The following DYNC1LI1 variants were observed in gnomAD, a reference collection of about 807,000 sequenced individuals.
DYNC1LI1 encodes cytoplasmic dynein 1 light intermediate chain 1.
A neutral mutation model predicts 63.8 loss-of-function variants in DYNC1LI1; 19 were observed. The observed-to-expected ratio is 0.30, with a 90% CI of 0.21 to 0.44. DYNC1LI1 has a LOEUF of 0.44. DYNC1LI1 is among the 20% of genes least tolerant of loss of function. DYNC1LI1 has a pLI of 1.00. For synonymous variants in DYNC1LI1, 225 were observed against 232.3 expected (o/e 0.97, Z 0.28); for missense variants, 565 against 630.2 (o/e 0.90, Z 1.11).
At chr3:32,551,951 CCA>C (rs1459980304) in intron 2 of DYNC1LI1, among the ~76,000 whole-genome samples, 2 of 152,156 alleles carry the variant, frequency 1.3e-5, no homozygotes, top group Non-Finnish European at 2.9e-5. Flanking sequence ...ATCTGGTGAC[CCA>C]CAGACTTCCT....
intron 5 of DYNC1LI1, 74 bp from the exon 6 acceptor site, chr3:32,537,178 A>G (rs1697786109): frequency 1.3e-6 from 1 of 799,910 alleles, no homozygotes; most frequent in African/African-American, 1.8e-5. Context: ...AAACAGTTCA[A>G]TTCTGGATAG....
At chr3:32,550,560 T>TA (rs1182504566) in intron 2 of DYNC1LI1, among the ~76,000 whole-genome samples, 1 of 152,240 alleles carries the variant, frequency 6.6e-6, no homozygotes, top group Non-Finnish European at 1.5e-5. Context: ...CTCCTCCACT[T>TA]ATCATAAGAT....
chr3:32,557,418 A>AGGCT (rs1463146038), intron 2 of DYNC1LI1, among the ~76,000 whole-genome samples: 3 of 152,078 alleles, frequency 2.0e-5, no homozygotes, highest in Non-Finnish European at 4.4e-5. Context: ...GCTACTCGAG[A>AGGCT]GGCTGAGGCA....
chr3:32,529,479 T>C, intron 11 of DYNC1LI1, 61 bp downstream of exon 11: 1 of 1,493,882 alleles, frequency 6.7e-7, no homozygotes, highest in Non-Finnish European at 9.1e-7. Context: ...GGTGGAATTT[T>C]AGATAGATTT....
chr3:32,568,117 T>C (rs1698294252), intron 2 of DYNC1LI1, among the ~76,000 whole-genome samples: 1 of 152,174 alleles, frequency 6.6e-6, no homozygotes, highest in African/African-American at 2.4e-5. Context: ...ATTACAGGCG[T>C]GGGCCACTGT....
At chr3:32,558,023 A>C (rs1698138653) in intron 2 of DYNC1LI1, among the ~76,000 whole-genome samples, 1 of 152,160 alleles carries the variant, frequency 6.6e-6, no homozygotes. Flanking sequence ...TAAAAAAACA[A>C]ATCATTTCAT....
In DYNC1LI1 at chr3:32,565,057, G is replaced by A. The variant is rs895094747; in HGVS notation, c.220+5289C>T. Reference sequence around the variant, plus strand: ...GTGGGACTTTTGGCTGCATATTACCGTGGACTAATACCTTCAGAGAACAAT... The same window carrying A: ...GTGGGACTTTTGGCTGCATATTACCATGGACTAATACCTTCAGAGAACAAT... On this transcript the variant is annotated intron_variant, in intron 2 of 12. Coordinates refer to ENST00000273130, the MANE Select transcript of DYNC1LI1 (RefSeq NM_016141.4). 3.3e-5 allele frequency among the ~76,000 whole-genome samples: 5 copies of A among 152,250 alleles called. 1 individual carries two copies. In the South Asian group the frequency reaches 6.2e-4, roughly 19 times the overall value.
chr3:32,558,827 C>A (rs1395307891), intron 2 of DYNC1LI1, among the ~76,000 whole-genome samples: 2 of 146,534 alleles, frequency 1.4e-5, no homozygotes, highest in Non-Finnish European at 3.0e-5. Context: ...GCCTGGGCAA[C>A]AAGAGCAAAA....
At chr3:32,560,161 G>A (rs985889648) in intron 2 of DYNC1LI1, among the ~76,000 whole-genome samples, 7 of 152,170 alleles carry the variant, frequency 4.6e-5, no homozygotes, top group African/African-American at 1.2e-4. Context: ...AAGGCCAGGC[G>A]TGGTGGCTCA....
At chr3:32,528,733 T>G in intron 11 of DYNC1LI1, 132 bp from the exon 12 acceptor site, 1 of 836,274 alleles carries the variant, frequency 1.2e-6, no homozygotes, top group Admixed American at 3.4e-5. Context: ...AATTCAAGTC[T>G]AGTTTGATCT....
chr3:32,549,210 G>A (rs576988326), intron 2 of DYNC1LI1, among the ~76,000 whole-genome samples: 36 of 150,812 alleles, frequency 2.4e-4, no homozygotes, highest in Admixed American at 6.6e-4. Context: ...TAGTTTCTAC[G>A]GCATTTAATT....
intron 2 of DYNC1LI1, among the ~76,000 whole-genome samples, chr3:32,569,986 G>C (rs1305152791): frequency 1.3e-5 from 2 of 152,216 alleles, no homozygotes; most frequent in South Asian, 4.1e-4. Flanking sequence ...CTCGCAAAGA[G>C]CCTCCTGCTA....
intron 6 of DYNC1LI1, 137 bp downstream of exon 6, chr3:32,536,874 A>G (rs1269478567): frequency 1.1e-5 from 6 of 555,454 alleles, no homozygotes; most frequent in Non-Finnish European, 1.9e-5. Context: ...TGGGAACTAA[A>G]ATGAAATTTC....
chr3:32,546,225 T>C (rs1357239061), intron 2 of DYNC1LI1, among the ~76,000 whole-genome samples: 1 of 152,052 alleles, frequency 6.6e-6, no homozygotes, highest in Admixed American at 6.6e-5. Flanking sequence ...CTGGCCAACA[T>C]GGTGAAACCC....
intron 2 of DYNC1LI1, among the ~76,000 whole-genome samples, chr3:32,568,499 A>G (rs1035253309): frequency 6.6e-6 from 1 of 152,198 alleles, no homozygotes; most frequent in African/African-American, 2.4e-5. Flanking sequence ...CACTTTATGA[A>G]CTATTAAGTT....
chr3:32,528,205 A>T (rs1214322590), intron 12 of DYNC1LI1, among the ~76,000 whole-genome samples: 1 of 151,536 alleles, frequency 6.6e-6, no homozygotes, highest in Non-Finnish European at 1.5e-5. Context: ...TGTTAAAGCC[A>T]TACATTGTAT....
chr3:32,532,852 C>A, intron 8 of DYNC1LI1, 134 bp downstream of exon 8: 1 of 1,356,942 alleles, frequency 7.4e-7, no homozygotes, highest in Non-Finnish European at 9.5e-7. Flanking sequence ...ATTAGAAACA[C>A]ACCAAAATTA....
At chr3:32,528,306 A>G in intron 12 of DYNC1LI1, 140 bp downstream of exon 12, 1 of 857,094 alleles carries the variant, frequency 1.2e-6, no homozygotes, top group Non-Finnish European at 1.8e-6. Flanking sequence ...AAAATGTTCT[A>G]AAATCAGATT....
intron 2 of DYNC1LI1, among the ~76,000 whole-genome samples, chr3:32,556,019 T>C (rs1266976596): frequency 6.6e-6 from 1 of 152,204 alleles, no homozygotes; most frequent in Non-Finnish European, 1.5e-5. Flanking sequence ...AAGGTCAACA[T>C]TCTTACAAAA....
Sources: gnomAD v4.1 joint callset for allele counts (sites outside exome capture counted in the v4.1 genomes callset) on GRCh38, gnomAD v4.1.1 for gene constraint, MANE v1.5 for transcripts, NCBI Gene and HGNC (gene_info 2026-07-23, HGNC 2026-07-21) for gene names.